The following HEMK2 variants were observed in gnomAD, a reference collection of about 807,000 sequenced individuals.
HEMK2 encodes the protein methyltransferase HEMK2.
chr21:28,854,525 G>C, the HEMK2 span, among the ~76,000 whole-genome samples: 3 of 107,884 alleles, frequency 2.8e-5, no homozygotes, highest in Non-Finnish European at 3.8e-5. Flanking sequence ...CATAGAGATA[G>C]AGATAGAGAT....
the HEMK2 span, among the ~76,000 whole-genome samples, chr21:28,596,848 G>T: frequency 6.6e-6 from 1 of 152,064 alleles, no homozygotes. Context: ...GCTCCATACC[G>T]AAAATGGGAA....
At chr21:28,754,490 C>A in the HEMK2 span, among the ~76,000 whole-genome samples, 1 of 152,206 alleles carries the variant, frequency 6.6e-6, no homozygotes, top group African/African-American at 2.4e-5. Flanking sequence ...TTATCAAAAT[C>A]TATTCTGATG....
the HEMK2 span, among the ~76,000 whole-genome samples, chr21:28,718,441 T>C: frequency 6.6e-6 from 1 of 152,228 alleles, no homozygotes; most frequent in African/African-American, 2.4e-5. Context: ...TAGGTCTAAT[T>C]GGTCAAGTGT....
chr21:28,859,023 AAATT>A, the HEMK2 span, among the ~76,000 whole-genome samples: 46 of 152,304 alleles, frequency 3.0e-4, no homozygotes, highest in Non-Finnish European at 5.6e-4. Flanking sequence ...AGCTTTCAGT[AAATT>A]AATTAAAAAA....
chr21:28,730,742 G>A, the HEMK2 span, among the ~76,000 whole-genome samples: 1 of 152,126 alleles, frequency 6.6e-6, no homozygotes, highest in African/African-American at 2.4e-5. Flanking sequence ...AGAAAGAGAG[G>A]ACTGCAAGCC....
chr21:28,593,999 A>G, the HEMK2 span, among the ~76,000 whole-genome samples: 1 of 152,200 alleles, frequency 6.6e-6, no homozygotes, highest in Non-Finnish European at 1.5e-5. Context: ...ATCAAGGTTA[A>G]CATCAACAGC....
At chr21:28,723,494 G>T in the HEMK2 span, among the ~76,000 whole-genome samples, 2 of 152,036 alleles carry the variant, frequency 1.3e-5, no homozygotes, top group Admixed American at 6.6e-5. Context: ...TATTACCCTG[G>T]GGATCTTGGC....
chr21:28,582,138 G>C, the HEMK2 span, among the ~76,000 whole-genome samples: 1 of 152,174 alleles, frequency 6.6e-6, no homozygotes, highest in Admixed American at 6.5e-5. Context: ...GAGGGTAATG[G>C]AAACTGGAAT....
At chr21:28,795,096 G>A in the HEMK2 span, among the ~76,000 whole-genome samples, 1 of 152,210 alleles carries the variant, frequency 6.6e-6, no homozygotes, top group African/African-American at 2.4e-5. Flanking sequence ...ATATCCCTAT[G>A]AGATCAAAGT....
At chr21:28,826,657 T>G in the HEMK2 span, among the ~76,000 whole-genome samples, 39 of 152,206 alleles carry the variant, frequency 2.6e-4, no homozygotes, top group Admixed American at 1.4e-3. Flanking sequence ...GTAACAAGGA[T>G]CATCACCAGG....
the HEMK2 span, among the ~76,000 whole-genome samples, chr21:28,597,154 T>C: frequency 6.6e-6 from 1 of 152,314 alleles, no homozygotes; most frequent in East Asian, 1.9e-4. Context: ...GGAACAAGAA[T>C]GTAAATGAAA....
the HEMK2 span, among the ~76,000 whole-genome samples, chr21:28,864,066 A>G: frequency 7.4e-3 from 1,131 of 152,244 alleles, 11 homozygotes; most frequent in African/African-American, 0.025. Flanking sequence ...TCTGACCTGA[A>G]GTGATCCACC....
At chr21:28,874,894 G>A in the HEMK2 span, 1 of 152,206 alleles carries the variant, frequency 6.6e-6, no homozygotes, top group Non-Finnish European at 1.5e-5. Flanking sequence ...AGTCAACAGG[G>A]GGACTGCTCA....
At chr21:28,683,899 G>A in the HEMK2 span, among the ~76,000 whole-genome samples, 1 of 152,104 alleles carries the variant, frequency 6.6e-6, no homozygotes, top group Admixed American at 6.6e-5. Flanking sequence ...TCTGAAGTCT[G>A]GCATCATGAG....
chr21:28,855,822 A>G, the HEMK2 span, among the ~76,000 whole-genome samples: 1 of 152,318 alleles, frequency 6.6e-6, no homozygotes, highest in East Asian at 1.9e-4. Context: ...ACTAATGAGA[A>G]CAAACATACA....
At chr21:28,734,947 G>T in the HEMK2 span, among the ~76,000 whole-genome samples, 1 of 152,146 alleles carries the variant, frequency 6.6e-6, no homozygotes, top group East Asian at 1.9e-4. Flanking sequence ...TTCTATACTC[G>T]GCTGAACTCC....
chr21:28,697,151 C>T, the HEMK2 span, among the ~76,000 whole-genome samples: 23 of 152,216 alleles, frequency 1.5e-4, no homozygotes, highest in Non-Finnish European at 2.8e-4. Context: ...CTGCAGCAGG[C>T]TTGAATTTCT....
the HEMK2 span, among the ~76,000 whole-genome samples, chr21:28,767,236 C>T: frequency 6.6e-6 from 1 of 152,128 alleles, no homozygotes; most frequent in South Asian, 2.1e-4. Context: ...CCACATGGAA[C>T]TGTACGTAAG....
chr21:28,625,748 A>G, the HEMK2 span, among the ~76,000 whole-genome samples: 2 of 152,154 alleles, frequency 1.3e-5, no homozygotes, highest in Admixed American at 1.3e-4. Flanking sequence ...AATTAAAAAA[A>G]CAGAGACTAT....
Sources: gnomAD v4.1 joint callset for allele counts (sites outside exome capture counted in the v4.1 genomes callset) on GRCh38, gnomAD v4.1.1 for gene constraint, MANE v1.5 for transcripts, NCBI Gene and HGNC (gene_info 2026-07-23, HGNC 2026-07-21) for gene names.